SYNE2: variants seen among roughly 807,000 people sequenced by gnomAD.
The protein encoded by SYNE2 is spectrin repeat containing nuclear envelope protein 2.
Under a neutral mutation model 856.3 loss-of-function variants are expected in SYNE2, and 431 were observed. The ratio of observed to expected loss-of-function variants is 0.50; its 90% CI spans 0.47 to 0.55. The LOEUF is 0.55. SYNE2 is among the 20% of genes least tolerant of loss of function. The pLI, the probability that SYNE2 is intolerant of heterozygous loss-of-function variation, is 0.00. For synonymous variants in SYNE2, 2,923 were observed against 2,872.3 expected, an observed-to-expected ratio of 1.02 and a Z score of -0.56; for missense variants, 8,129 against 8,023.2, an observed-to-expected ratio of 1.01 and a Z score of -0.50.
chr14:63,925,133 C>G (rs1247406939), intron 2 of SYNE2, among the ~76,000 whole-genome samples: 1 of 151,846 alleles, frequency 6.6e-6, no homozygotes, highest in Non-Finnish European at 1.5e-5. Flanking sequence ...AAAAACCTGT[C>G]TCTAAAAATA....
intron 112 of SYNE2, 38 bp downstream of exon 112, chr14:64,221,742 C>T: frequency 6.2e-7 from 1 of 1,611,274 alleles, no homozygotes; most frequent in Non-Finnish European, 8.5e-7. Flanking sequence ...TGCCACCAGC[C>T]TCTGTCAGCC....
rs771401558 is a variant in SYNE2, at chr14:64,030,015, C to A, written c.6835C>A (p.Pro2279Thr). Residue 2279 changes from proline to threonine, a missense_variant, in exon 44 of 116, where the codon CCT (proline) becomes ACT (threonine). Pro to Thr is a conservative substitution (Grantham distance 38). Coordinates refer to ENST00000555002, the MANE Select transcript of SYNE2 (RefSeq NM_182914.3). ...SKEFVSFSDK[P>T]VDQIAVEEKL... The stretch of plus-strand genomic sequence containing the variant: ...GGAATTTGTCAGTTTTTCTGATAAG[C>A]CTGTGGATCAAATAGCGGTTGAGGA... The A allele has an allele frequency of 4.3e-6, 7 of 1,613,956 alleles. No individual in the cohort carries two copies. Among genetic ancestry groups the A allele is most frequent in the Non-Finnish European group, 5.9e-6 (7 of 1,179,982 alleles).
intron 1 of SYNE2, among the ~76,000 whole-genome samples, chr14:63,843,037 T>A (rs1304706803): frequency 6.6e-6 from 1 of 151,580 alleles, no homozygotes; most frequent in Non-Finnish European, 1.5e-5. Flanking sequence ...GTTAATTTAA[T>A]TTTTTTTTGA....
intron 100 of SYNE2, chr14:64,208,224 A>G (rs1263001600): frequency 6.6e-6 from 3 of 452,174 alleles, no homozygotes; most frequent in Non-Finnish European, 1.3e-5. Context: ...CCTTGGGCTC[A>G]TGAAGCCCTT....
Position 64,226,431 on chromosome 14 carries a change from AG to A in SYNE2, c.*906del, listed in dbSNP as rs1245266919. The A allele has an allele frequency of 2.0e-5, 3 of 152,634 alleles. No individual in the cohort carries two copies. The highest frequency in any genetic ancestry group is 2.9e-5 in the Non-Finnish European group (2 of 68,042). 9.5% of individuals were successfully genotyped at this position (152,634 alleles called of 1,614,324 possible). The stretch of plus-strand genomic sequence containing the variant: ...TTCTCATTAAAAAACAAAATTAGCC[AG>A]ACTTCTGTTGTACTGAATTCTGTAA... On this transcript the variant is annotated 3_prime_UTR_variant, in exon 116 of 116. Transcript: ENST00000555002.
At chr14:63,809,175 A>C (rs1595131193) in intron 1 of SYNE2, among the ~76,000 whole-genome samples, 1 of 151,954 alleles carries the variant, frequency 6.6e-6, no homozygotes, top group African/African-American at 2.4e-5. Flanking sequence ...TTTGCTTACC[A>C]AAGAGGAATT....
chr14:63,933,050 G>T (rs1227317298), intron 2 of SYNE2, among the ~76,000 whole-genome samples: 1 of 152,184 alleles, frequency 6.6e-6, no homozygotes, highest in Non-Finnish European at 1.5e-5. Context: ...AAAGATCAAA[G>T]TAATGAATCT....
intron 58 of SYNE2, among the ~76,000 whole-genome samples, 187 bp from the exon 59 acceptor site, chr14:64,089,369 GAAAAAAAAAAAAAAAAAA>G (rs57358817): frequency 4.0e-5 from 2 of 50,476 alleles, no homozygotes; most frequent in East Asian, 6.8e-4. Context: ...TCCGTCTCAG[GAAAAAAAAAAAAAAAAAA>G]AAAAAAAAAA....
At chr14:63,964,962 CTTTTTT>C (rs750645462) in intron 10 of SYNE2, among the ~76,000 whole-genome samples, 2 of 131,022 alleles carry the variant, frequency 1.5e-5, no homozygotes, top group Non-Finnish European at 3.3e-5. Flanking sequence ...TTGAACATTT[CTTTTTT>C]TTTTTTTTTT....
chr14:64,189,201 G>T (rs565615608), intron 98 of SYNE2, among the ~76,000 whole-genome samples: 2 of 152,224 alleles, frequency 1.3e-5, no homozygotes, highest in South Asian at 4.2e-4. Context: ...TGGTGTGGTG[G>T]TGGGCACCTG....
chr14:64,220,389 C>T (rs1330563437), intron 110 of SYNE2, 48 bp from the exon 111 acceptor site: 1 of 1,605,930 alleles, frequency 6.2e-7, no homozygotes, highest in Non-Finnish European at 8.5e-7. Flanking sequence ...ATGAGCCCCT[C>T]CTCCCTACTT....
rs142771896 is a variant in SYNE2, at chr14:64,134,152, G to A, written c.14598G>A (p.Leu4866=). The A allele has an allele frequency of 5.6e-5, 91 of 1,613,790 alleles. No individual in the cohort carries two copies. The highest frequency in any genetic ancestry group is 7.5e-5 in the Non-Finnish European group (88 of 1,179,852). ...TATCTACATTGCCCTCTGTGAGTTT[G>A]GTGGAAGAAACAGAGGAAAGATTAG... ...ILISTLPSVS[L]VEETEERLVE... The change falls in exon 78 of 116, where the codon TTG becomes TTA. Residue 4866 remains leucine, a synonymous_variant. Coordinates refer to ENST00000555002, the MANE Select transcript of SYNE2 (RefSeq NM_182914.3).
At chr14:63,895,297 G>A (rs1351270908) in intron 1 of SYNE2, among the ~76,000 whole-genome samples, 1 of 150,930 alleles carries the variant, frequency 6.6e-6, no homozygotes, top group Non-Finnish European at 1.5e-5. Context: ...TTTTAGTAGA[G>A]ACAGGGTTTC....
intron 1 of SYNE2, among the ~76,000 whole-genome samples, chr14:63,811,415 T>C (rs1311716537): frequency 6.6e-6 from 1 of 152,070 alleles, no homozygotes; most frequent in Admixed American, 6.6e-5. Context: ...TCACCATGCC[T>C]GGCTAAATTT....
At position 63,773,505 on chromosome 14, in the gene SYNE2, C is replaced by T. The variant is rs375761555; in HGVS notation, c.-305+11519C>T. ...TGTGAGCCACTGCTCCTGGCTAATACGCTACATTTTTTAAAGCCTATTTTT... is the reference window on the plus strand; with the variant it reads ...TGTGAGCCACTGCTCCTGGCTAATATGCTACATTTTTTAAAGCCTATTTTT... On this transcript the variant is annotated intron_variant, in intron 1 of 23. Transcript: ENST00000674003. 6.0e-4 allele frequency among the ~76,000 whole-genome samples: 91 copies of T among 152,132 alleles called. 1 individual carries two copies. The South Asian group carries it at 0.013, about 21-fold the overall frequency.
chr14:64,026,790 G>C (rs1029288046), intron 42 of SYNE2, 60 bp downstream of exon 42: 8 of 1,550,310 alleles, frequency 5.2e-6, no homozygotes, highest in African/African-American at 2.7e-5. Context: ...GCCATAACAA[G>C]TATGTTTTGT....
intron 1 of SYNE2, among the ~76,000 whole-genome samples, chr14:63,770,191 A>G (rs1470603626): frequency 6.6e-6 from 1 of 152,162 alleles, no homozygotes; most frequent in African/African-American, 2.4e-5. Flanking sequence ...ACATAGTCAT[A>G]TGGAAAAACA....
At position 64,049,724 on chromosome 14, in the gene SYNE2, G is replaced by A. The variant is rs375202949; in HGVS notation, c.7491G>A (p.Ser2497=). 3.5e-5 allele frequency: 56 copies of A among 1,613,918 alleles called. No individual in the cohort carries two copies. In the African/African-American group the frequency reaches 5.5e-4, roughly 16 times the overall value. ...TGGTTCTCCACAATATAGGATATTCGGCACAGCATTTGGACAATTTGCTTC... is the reference window on the plus strand; with the variant it reads ...TGGTTCTCCACAATATAGGATATTCAGCACAGCATTTGGACAATTTGCTTC... ...GALVLHNIGY[S]AQHLDNLLQA... Residue 2497 remains serine (S), a synonymous_variant, in exon 47 of 116, where the codon TCG becomes TCA. Coordinates refer to ENST00000555002, the MANE Select transcript of SYNE2 (RefSeq NM_182914.3).
chr14:64,122,259 T>C (rs1797379121), intron 69 of SYNE2, 27 bp from the exon 70 acceptor site: 1 of 1,614,088 alleles, frequency 6.2e-7, no homozygotes, highest in Admixed American at 1.7e-5. Context: ...TTGATTATTC[T>C]CTTCACCTTT....
Sources: allele counts gnomAD v4.1 joint callset (sites outside exome capture counted in the v4.1 genomes callset), GRCh38; gene constraint gnomAD v4.1.1; transcripts MANE v1.5; gene names NCBI Gene and HGNC (gene_info 2026-07-23, HGNC 2026-07-21).